The following SMIM42 variants were observed in gnomAD, a reference collection of about 807,000 sequenced individuals.
SMIM42 encodes the protein small integral membrane protein 42.
exon 1 of SMIM42, among the ~76,000 whole-genome samples, chr1:158,128,100 G>A (rs1662855082): frequency 6.6e-6 from 1 of 152,130 alleles, no homozygotes; most frequent in African/African-American, 2.4e-5. Context: ...GCTGAGATAG[G>A]TACGTGGTGC....
chr1:158,127,728 C>T (rs929956615), exon 1 of SMIM42, among the ~76,000 whole-genome samples: 1 of 151,908 alleles, frequency 6.6e-6, no homozygotes, highest in Non-Finnish European at 1.5e-5. Context: ...GGACATCTGG[C>T]AATGGAGGAA....
At chr1:158,127,305 T>C (rs184753152) in exon 1 of SMIM42, among the ~76,000 whole-genome samples, 17 of 152,108 alleles carry the variant, frequency 1.1e-4, no homozygotes, top group African/African-American at 3.9e-4. Context: ...ATAAAAAAAA[T>C]ACATTTTACT....
exon 1 of SMIM42, among the ~76,000 whole-genome samples, chr1:158,127,332 G>A (rs1291286389): frequency 1.3e-5 from 2 of 152,096 alleles, no homozygotes; most frequent in Non-Finnish European, 1.5e-5. Context: ...ATTAAGTGAA[G>A]AGGAGGAAAG....
exon 1 of SMIM42, among the ~76,000 whole-genome samples, chr1:158,128,255 G>T (rs750629697): frequency 6.6e-6 from 1 of 152,160 alleles, no homozygotes; most frequent in Non-Finnish European, 1.5e-5. Context: ...AGGCATAGAC[G>T]TTTGCTCAGC....
At chr1:158,127,352 A>G (rs987147793) in exon 1 of SMIM42, among the ~76,000 whole-genome samples, 1 of 152,028 alleles carries the variant, frequency 6.6e-6, no homozygotes, top group African/African-American at 2.4e-5. Flanking sequence ...GAGTGTACCT[A>G]CAATTCAGCA....
At chr1:158,127,760 G>T (rs1662851090) in exon 1 of SMIM42, among the ~76,000 whole-genome samples, 1 of 152,182 alleles carries the variant, frequency 6.6e-6, no homozygotes, top group South Asian at 2.1e-4. Flanking sequence ...AAGCAGCTCT[G>T]GCTCCCCTGG....
At chr1:158,127,677 A>G (rs1231736979) in exon 1 of SMIM42, among the ~76,000 whole-genome samples, 1 of 151,522 alleles carries the variant, frequency 6.6e-6, no homozygotes, top group Admixed American at 6.6e-5. Context: ...GGAGTGCATT[A>G]TAAGAGGGAT....
At chr1:158,127,690 T>C (rs942740867) in exon 1 of SMIM42, among the ~76,000 whole-genome samples, 2 of 149,008 alleles carry the variant, frequency 1.3e-5, no homozygotes, top group East Asian at 2.0e-4. Context: ...AGAGGGATGG[T>C]GGCAGAGGAA....
chr1:158,128,029 G>A (rs1662854287), exon 1 of SMIM42, among the ~76,000 whole-genome samples: 1 of 152,138 alleles, frequency 6.6e-6, no homozygotes, highest in South Asian at 2.1e-4. Context: ...GCAGTGGTGA[G>A]TGTACCCTTG....
At chr1:158,128,255 G>C (rs750629697) in exon 1 of SMIM42, among the ~76,000 whole-genome samples, 1 of 152,160 alleles carries the variant, frequency 6.6e-6, no homozygotes, top group Non-Finnish European at 1.5e-5. Flanking sequence ...AGGCATAGAC[G>C]TTTGCTCAGC....
chr1:158,128,073 A>G (rs1417241974), exon 1 of SMIM42, among the ~76,000 whole-genome samples: 1 of 152,162 alleles, frequency 6.6e-6, no homozygotes, highest in Non-Finnish European at 1.5e-5. Context: ...TGGGGAGGAC[A>G]TAAGCTTCCA....
Position 158,127,570 on chromosome 1 carries a change from A to C in SMIM42, c.*292T>G, listed in dbSNP as rs572041063. On this transcript the variant is annotated 3_prime_UTR_variant, in exon 1 of 1. Transcript: ENST00000672824. ...TTCCTCTGTTAGTGCAGAAATCAAG[A>C]GCCATTTACTATTTCAGTCTTGAAG... 1.3e-4 allele frequency among the ~76,000 whole-genome samples: 19 copies of C among 150,424 alleles called. 1 individual carries two copies. Among genetic ancestry groups the C allele is most frequent in the Middle Eastern group, 6.8e-3 (2 of 294 alleles).
exon 1 of SMIM42, among the ~76,000 whole-genome samples, chr1:158,127,511 T>A (rs560206267): frequency 6.6e-6 from 1 of 151,724 alleles, no homozygotes; most frequent in South Asian, 2.1e-4. Context: ...TTAGGCTTTG[T>A]AATCAATTTT....
At chr1:158,127,713 T>TGG (rs1662850410) in exon 1 of SMIM42, among the ~76,000 whole-genome samples, 1 of 151,152 alleles carries the variant, frequency 6.6e-6, no homozygotes, top group Non-Finnish European at 1.5e-5. Context: ...AAATGAGGCC[T>TGG]GGGGGGACAT....
chr1:158,127,603 A>C (rs1442795061), exon 1 of SMIM42, among the ~76,000 whole-genome samples: 2 of 14,474 alleles, frequency 1.4e-4, no homozygotes, highest in African/African-American at 4.5e-4. Context: ...AAGATCCACA[A>C]AAAAAAAAAA....
rs536066584 is a variant in SMIM42, at chr1:158,128,030, T to C, written c.45A>G (p.Thr15=). Residue 15 remains threonine (T), a synonymous_variant, in exon 1 of 1, where the codon ACA becomes ACG. Transcript: ENST00000672824. ...CAGGATTAGATATGGCAGTGGTGAG[T>C]GTACCCTTGTCCCATAAGAAAGCTG... Among the ~76,000 whole-genome samples the C allele has an allele frequency of 1.9e-3, 294 of 152,126 alleles. 1 individual carries two copies. Among genetic ancestry groups the C allele is most frequent in the African/African-American group, 6.9e-3 (287 of 41,512 alleles).
exon 1 of SMIM42, among the ~76,000 whole-genome samples, chr1:158,127,296 T>TA (rs1038346376): frequency 2.6e-5 from 4 of 151,936 alleles, no homozygotes; most frequent in Middle Eastern, 3.4e-3. Context: ...CATTTCTTAA[T>TA]AAAAAAAATA....
exon 1 of SMIM42, among the ~76,000 whole-genome samples, chr1:158,128,113 G>T (rs932880917): frequency 6.6e-6 from 1 of 152,176 alleles, no homozygotes; most frequent in Non-Finnish European, 1.5e-5. Flanking sequence ...CGTGGTGCAA[G>T]CCGACTGCCC....
At chr1:158,127,622 AG>A (rs1343525628) in exon 1 of SMIM42, among the ~76,000 whole-genome samples, 1 of 144,394 alleles carries the variant, frequency 6.9e-6, no homozygotes, top group African/African-American at 2.6e-5. Context: ...AAAAAAAAAA[AG>A]ACATTCAAAC....
Sources: gnomAD v4.1 joint callset for allele counts (sites outside exome capture counted in the v4.1 genomes callset) on GRCh38, gnomAD v4.1.1 for gene constraint, MANE v1.5 for transcripts, NCBI Gene and HGNC (gene_info 2026-07-23, HGNC 2026-07-21) for gene names.